The following LRRN2 variants were observed in gnomAD, a reference collection of about 807,000 sequenced individuals.
LRRN2 encodes the protein leucine rich repeat neuronal 2.
A neutral mutation model predicts 35.7 loss-of-function variants in LRRN2; 10 were observed. The observed-to-expected ratio is 0.28, with a 90% CI of 0.17 to 0.47. The LOEUF (loss-of-function observed/expected upper bound fraction) is 0.47. Ranked by LOEUF, LRRN2 falls within the 20% of genes least tolerant of loss-of-function variation. The pLI, the probability that LRRN2 is intolerant of heterozygous loss-of-function variation, is 0.99. For synonymous variants in LRRN2, 391 were observed against 409.6 expected, an observed-to-expected ratio of 0.95 and a Z score of 0.55; for missense variants, 731 against 940.3, an observed-to-expected ratio of 0.78 and a Z score of 2.91.
intron 1 of LRRN2, among the ~76,000 whole-genome samples, chr1:204,661,104 A>ATT (rs1300897672): frequency 6.6e-6 from 1 of 152,074 alleles, no homozygotes; most frequent in African/African-American, 2.4e-5. Flanking sequence ...TGATTGATTA[A>ATT]TTTTTTTCTC....
At chr1:204,660,577 ACACT>A (rs35479790) in intron 1 of LRRN2, among the ~76,000 whole-genome samples, 31,687 of 145,952 alleles carry the variant, frequency 0.22, 3,543 homozygotes, top group Non-Finnish European at 0.28. Flanking sequence ...ACACACACAC[ACACT>A]CTCTCTCTCT....
intron 1 of LRRN2, among the ~76,000 whole-genome samples, chr1:204,655,060 C>T (rs1668318843): frequency 6.6e-6 from 1 of 152,210 alleles, no homozygotes; most frequent in Non-Finnish European, 1.5e-5. Context: ...AGACATTCTC[C>T]ATTCTCTAGC....
intron 1 of LRRN2, among the ~76,000 whole-genome samples, chr1:204,649,760 G>A (rs1339731543): frequency 6.6e-6 from 1 of 152,154 alleles, no homozygotes; most frequent in African/African-American, 2.4e-5. Flanking sequence ...TGATCCCCAT[G>A]ACTGGCAGAC....
intron 1 of LRRN2, among the ~76,000 whole-genome samples, chr1:204,632,852 T>A (rs995811479): frequency 1.1e-4 from 17 of 150,884 alleles, no homozygotes; most frequent in African/African-American, 3.9e-4. Flanking sequence ...GAGAATGGTG[T>A]GAACCCGGGA....
chr1:204,684,801 G>T (rs1669031538), intron 1 of LRRN2, among the ~76,000 whole-genome samples: 1 of 152,102 alleles, frequency 6.6e-6, no homozygotes, highest in African/African-American at 2.4e-5. Context: ...AGATACTTCA[G>T]ACAGACCCAA....
In LRRN2 at chr1:204,618,351, G is replaced by A. The variant is rs1010090045; in HGVS notation, c.1642C>T (p.Pro548Ser). 1.9e-6 allele frequency: 3 copies of A among 1,596,914 alleles called. No homozygotes were observed. Among genetic ancestry groups the A allele is most frequent in the South Asian group, 2.3e-5 (2 of 87,644 alleles). The change falls in exon 2 of 2, where the codon CCA becomes TCA. Residue 548 changes from proline to serine, a missense_variant. By Grantham distance (74) the Pro-to-Ser change is moderately conservative. This residue lies in a region of LRRN2 where 229 missense variants were observed against 258.4 expected (regional missense o/e 0.89). Coordinates refer to ENST00000367177, the MANE Select transcript of LRRN2 (RefSeq NM_201630.2). ...PYHILLSWVT[P>S]PNTVSTNLTW... ...AGGTTGGTGGACACTGTGTTGGGTG[G>A]GGTGACCCAAGATAGCAGGATGTGA... is the stretch of plus-strand genomic sequence containing the variant.
intron 1 of LRRN2, among the ~76,000 whole-genome samples, chr1:204,644,501 T>C (rs947143938): frequency 6.6e-6 from 1 of 152,226 alleles, no homozygotes; most frequent in African/African-American, 2.4e-5. Context: ...TGTTCTCTTT[T>C]GTGATTTCAG....
intron 1 of LRRN2, among the ~76,000 whole-genome samples, chr1:204,656,822 G>A (rs1668366785): frequency 6.6e-6 from 1 of 152,202 alleles, no homozygotes; most frequent in African/African-American, 2.4e-5. Flanking sequence ...ATCTCAAAAT[G>A]TTGTGTCTTT....
In LRRN2 at chr1:204,618,007, C is replaced by T. The variant is rs1172352766; in HGVS notation, c.1986G>A (p.Arg662=). The change falls in exon 2 of 2, where the codon AGG becomes AGA. Residue 662 remains arginine, a synonymous_variant. Transcript: ENST00000367177. ...TGQPRKGVGG[R]RPLPPAWAFW... ...AAGCCCAGGCTGGAGGGAGAGGCCGCCTCCCACCCACACCCTTCCTGGGTT... is the reference window on the plus strand; with the variant it reads ...AAGCCCAGGCTGGAGGGAGAGGCCGTCTCCCACCCACACCCTTCCTGGGTT... The T allele has an allele frequency of 1.2e-6, 2 of 1,612,636 alleles. No individual in the cohort carries two copies. The highest frequency in any genetic ancestry group is 1.7e-5 in the Admixed American group (1 of 59,930).
chr1:204,633,899 G>C (rs935127883), intron 1 of LRRN2, among the ~76,000 whole-genome samples: 1 of 152,204 alleles, frequency 6.6e-6, no homozygotes, highest in Non-Finnish European at 1.5e-5. Context: ...TCAAGAGAAC[G>C]CCCTTTCCAA....
At chr1:204,672,551 TTC>T (rs906339899) in intron 1 of LRRN2, among the ~76,000 whole-genome samples, 2 of 152,214 alleles carry the variant, frequency 1.3e-5, no homozygotes, top group African/African-American at 2.4e-5. Flanking sequence ...ATCTCTGACG[TTC>T]TGTTTGCACA....
intron 1 of LRRN2, among the ~76,000 whole-genome samples, chr1:204,626,076 G>A (rs1667331245): frequency 6.6e-6 from 1 of 152,074 alleles, no homozygotes; most frequent in African/African-American, 2.4e-5. Context: ...GGAAGGAGGG[G>A]CCCAGACCTG....
chr1:204,656,525 T>C (rs950789723), intron 1 of LRRN2, among the ~76,000 whole-genome samples: 1 of 152,356 alleles, frequency 6.6e-6, no homozygotes, highest in African/African-American at 2.4e-5. Flanking sequence ...TACATCTTTT[T>C]TGAGTTGCTT....
intron 1 of LRRN2, chr1:204,629,685 G>C (rs553564849): frequency 5.8e-6 from 1 of 171,270 alleles, no homozygotes; most frequent in Non-Finnish European, 1.2e-5. Context: ...GGAACTATAA[G>C]TCCAATTAAA....
At chr1:204,681,290 CTT>C (rs1271039213) in intron 1 of LRRN2, among the ~76,000 whole-genome samples, 1 of 152,122 alleles carries the variant, frequency 6.6e-6, no homozygotes, top group African/African-American at 2.4e-5. Context: ...TAGTCCAACA[CTT>C]GTTTCATTAT....
rs765970710 is a variant in LRRN2 at position 204,617,840 on chromosome 1, C to G, written c.*11G>C. ...CTAGTGATTTCTCTACTGCTGAGAA[C>G]AGGCTGAGCTTCAAGAATTTTGAGA... is the stretch of plus-strand genomic sequence containing the variant. On this transcript the variant is annotated 3_prime_UTR_variant, in exon 2 of 2. Transcript: ENST00000367177. 8.1e-6 allele frequency: 13 copies of G among 1,613,790 alleles called. No homozygotes were observed. The East Asian group carries it at 2.2e-4, about 28-fold the overall frequency.
At chr1:204,651,611 CCCCCAG>C (rs970501896) in intron 1 of LRRN2, among the ~76,000 whole-genome samples, 1 of 152,086 alleles carries the variant, frequency 6.6e-6, no homozygotes, top group African/African-American at 2.4e-5. Context: ...CCCCCAAAAC[CCCCCAG>C]CCCCAGGCAA....
chr1:204,662,717 A>G (rs1181633214), intron 1 of LRRN2, among the ~76,000 whole-genome samples: 1 of 152,264 alleles, frequency 6.6e-6, no homozygotes, highest in Non-Finnish European at 1.5e-5. Context: ...CAAATAGCTG[A>G]TAAGTATCTG....
chr1:204,641,142 A>G (rs1330583563), intron 1 of LRRN2, among the ~76,000 whole-genome samples: 1 of 152,242 alleles, frequency 6.6e-6, no homozygotes, highest in Non-Finnish European at 1.5e-5. Flanking sequence ...AAGACCATTG[A>G]AACCTTACAC....
Sources: gnomAD v4.1 joint callset for allele counts (sites outside exome capture counted in the v4.1 genomes callset) on GRCh38, gnomAD v4.1.1 for gene constraint, gnomAD v4.1.1 regional missense constraint, MANE v1.5 for transcripts, NCBI Gene and HGNC (gene_info 2026-07-23, HGNC 2026-07-21) for gene names.